Variants in KLKB1 observed in about 807,000 individuals in gnomAD.
KLKB1 encodes the protein plasma kallikrein.
A neutral mutation model predicts 73.6 loss-of-function variants in KLKB1; 58 were observed. The observed-to-expected ratio is 0.79, with a 90% CI of 0.64 to 0.98. The LOEUF is 0.98. Ranked by LOEUF, KLKB1 falls within the 50% of genes least tolerant of loss-of-function variation. The pLI, the probability that KLKB1 is intolerant of heterozygous loss-of-function variation, is 0.00. For missense variants in KLKB1, 737 were observed against 763.8 expected, an observed-to-expected ratio of 0.96 and a Z score of 0.41; for synonymous variants, 280 against 258.1, an observed-to-expected ratio of 1.08 and a Z score of -0.81.
chr4:186,250,884 G>A (rs1738632324), intron 7 of KLKB1: 16 of 366,558 alleles, frequency 4.4e-5, no homozygotes, highest in South Asian at 4.0e-4. Context: ...TAAGAGAAGG[G>A]TGTCTAGTTA....
intron 6 of KLKB1, among the ~76,000 whole-genome samples, chr4:186,243,176 A>G (rs899460600): frequency 1.3e-5 from 2 of 149,906 alleles, no homozygotes; most frequent in African/African-American, 4.9e-5. Context: ...GGCCTGAGCA[A>G]TCCCTGAGGA....
intron 6 of KLKB1, among the ~76,000 whole-genome samples, chr4:186,246,252 G>T (rs1272292506): frequency 6.6e-6 from 1 of 151,906 alleles, no homozygotes; most frequent in Non-Finnish European, 1.5e-5. Context: ...AGGTCAGATG[G>T]GTCCATAGAA....
rs199794258 is a variant in KLKB1 at position 186,238,314 on chromosome 4, A to G, written c.547A>G (p.Ser183Gly). 8 of 1,614,030 alleles carry G rather than the reference A, an allele frequency of 5.0e-6. No homozygotes were observed. The East Asian group carries it at 1.6e-4, about 31-fold the overall frequency. ...AACACCTACCGCTATAAAGGTGCTG[A>G]GTAACGTGGAATCTGGATTCTCACT... ...GGTPTAIKVL[S>G]NVESGFSLKP... The change falls in exon 6 of 15, where the codon AGT becomes GGT. Residue 183 changes from serine to glycine, a missense_variant. By Grantham distance (56) the Ser-to-Gly change is moderately conservative. Transcript: ENST00000264690.
intron 2 of KLKB1, among the ~76,000 whole-genome samples, chr4:186,228,676 A>G (rs1223186380): frequency 6.6e-6 from 1 of 152,252 alleles, no homozygotes; most frequent in Non-Finnish European, 1.5e-5. Flanking sequence ...AACACCATAC[A>G]TAGTTTTACT....
intron 2 of KLKB1, among the ~76,000 whole-genome samples, chr4:186,217,280 C>T (rs1470721525): frequency 6.6e-6 from 1 of 150,502 alleles, no homozygotes; most frequent in Non-Finnish European, 1.5e-5. Context: ...TGCTTTTGTC[C>T]CAGTTGTTTT....
intron 2 of KLKB1, among the ~76,000 whole-genome samples, chr4:186,215,769 G>T (rs1316048417): frequency 6.6e-6 from 1 of 152,050 alleles, no homozygotes; most frequent in Non-Finnish European, 1.5e-5. Context: ...TACAGTTGGG[G>T]TTTGGCCATG....
intron 4 of KLKB1, among the ~76,000 whole-genome samples, chr4:186,235,974 C>A (rs896920385): frequency 2.0e-5 from 3 of 151,118 alleles, no homozygotes; most frequent in Non-Finnish European, 1.5e-5. Context: ...ATTAGCCGGG[C>A]GTGGTGGCGC....
intron 6 of KLKB1, among the ~76,000 whole-genome samples, chr4:186,243,569 A>G (rs4253365): frequency 0.028 from 4,256 of 152,262 alleles, 193 homozygotes; most frequent in African/African-American, 0.097. Context: ...CTTGCAGTGA[A>G]TGGCTTCAGC....
In KLKB1 at chr4:186,255,990, A is replaced by G; in HGVS notation, c.1490-2A>G. The G allele has an allele frequency of 6.3e-7, 1 of 1,589,910 alleles. No homozygotes were observed. Among genetic ancestry groups the G allele is most frequent in the South Asian group, 1.1e-5 (1 of 90,528 alleles). ...AACTCTAATTTAAAAATTATGTTTC[A>G]GAATTCCAAAAACCAATATGCCTAC... is the stretch of plus-strand genomic sequence containing the variant. On this transcript the variant is annotated splice_acceptor_variant, in intron 12 of 14. Transcript: ENST00000264690. LOFTEE classifies it high-confidence loss of function.
upstream of KLKB1, among the ~76,000 whole-genome samples, chr4:186,224,269 A>G (rs4862670): frequency 6.6e-6 from 1 of 152,152 alleles, no homozygotes; most frequent in Non-Finnish European, 1.5e-5. Context: ...ACACACAGAG[A>G]CCCCACTGGA....
At position 186,227,759 on chromosome 4, in the gene KLKB1, G is replaced by A. The variant is rs188125449; in HGVS notation, c.-2+172G>A. Among the ~76,000 whole-genome samples, 434 of 152,262 alleles carry A rather than the reference G, an allele frequency of 2.9e-3. 2 individuals are homozygous for A. The highest frequency in any genetic ancestry group is 4.0e-3 in the Non-Finnish European group (275 of 68,020). On this transcript the variant is annotated intron_variant, in intron 1 of 14. Transcript: ENST00000264690. ...TTAAATGTAAGATGATTTTAAATCA[G>A]AAAGAATATTTGATTGATTTAAAAT...
chr4:186,252,927 C>A (rs1738789946), intron 11 of KLKB1, among the ~76,000 whole-genome samples: 2 of 152,166 alleles, frequency 1.3e-5, no homozygotes, highest in Admixed American at 1.3e-4. Flanking sequence ...ATTTATTGGT[C>A]AAATAGTAGA....
intron 7 of KLKB1, among the ~76,000 whole-genome samples, chr4:186,250,617 C>T (rs1738618998): frequency 6.6e-6 from 1 of 152,162 alleles, no homozygotes; most frequent in African/African-American, 2.4e-5. Flanking sequence ...TACTTTAAAA[C>T]AAATGTTACC....
In KLKB1 at chr4:186,249,580, A is replaced by C. The variant is rs562990530; in HGVS notation, c.599-663A>C. On this transcript the variant is annotated intron_variant, in intron 6 of 14. Transcript: ENST00000264690. ...TTTTATTTTGTCCTTTTTCAAGATTAATTTGGTTATTCCGGATCTTTTGCA... is the reference window on the plus strand; with the variant it reads ...TTTTATTTTGTCCTTTTTCAAGATTCATTTGGTTATTCCGGATCTTTTGCA... Among the ~76,000 whole-genome samples the C allele has an allele frequency of 4.6e-5, 7 of 152,248 alleles. No individual in the cohort carries two copies. The East Asian group carries it at 1.3e-3, about 29-fold the overall frequency.
At chr4:186,234,164 A>G in intron 4 of KLKB1, 106 bp downstream of exon 4, 1 of 825,904 alleles carries the variant, frequency 1.2e-6, no homozygotes, top group Non-Finnish European at 2.1e-6. Flanking sequence ...GGCATCACTC[A>G]TAAAGATAGG....
In KLKB1 at chr4:186,257,218, A is replaced by G; in HGVS notation, c.1586-8A>G. The G allele has an allele frequency of 6.5e-7, 1 of 1,531,452 alleles. No individual in the cohort carries two copies. Among genetic ancestry groups the G allele is most frequent in the South Asian group, 1.2e-5 (1 of 84,630 alleles). The allele number at this position is 1,531,452 out of a possible 1,614,324, so 94.9% of individuals were successfully genotyped here. ...TTCCCTCTGAGGTTATATATTGGTT[A>G]CTCACAGGTGAAATCCAAAATATTC... On this transcript the variant is annotated splice_polypyrimidine_tract_variant and splice_region_variant and intron_variant, in intron 13 of 14. Coordinates refer to ENST00000264690, the MANE Select transcript of KLKB1 (RefSeq NM_000892.5).
At chr4:186,230,062 G>A (rs1737322128) in intron 2 of KLKB1, among the ~76,000 whole-genome samples, 1 of 152,128 alleles carries the variant, frequency 6.6e-6, no homozygotes, top group Non-Finnish European at 1.5e-5. Flanking sequence ...CAAGTGGAAG[G>A]AGACATATTG....
intron 6 of KLKB1, among the ~76,000 whole-genome samples, chr4:186,248,981 A>G (rs1561462320): frequency 6.6e-6 from 1 of 152,062 alleles, no homozygotes; most frequent in East Asian, 1.9e-4. Flanking sequence ...CTTTGGGAAA[A>G]TCTCTGTTTA....
rs1444212894 is a variant in KLKB1, at chr4:186,238,248, C to G, written c.489-8C>G. ...GAAAGCAAAGTAACCTCTTTTCTTC[C>G]CATTCAGGAACAATTGCCTATTAAA... On this transcript the variant is annotated splice_region_variant and splice_polypyrimidine_tract_variant and intron_variant, in intron 5 of 14. Coordinates refer to ENST00000264690, the MANE Select transcript of KLKB1 (RefSeq NM_000892.5). 1.3e-6 allele frequency: 2 copies of G among 1,584,896 alleles called. No individual in the cohort carries two copies. The highest frequency in any genetic ancestry group is 2.2e-5 in the South Asian group (2 of 90,530).
Sources: gnomAD v4.1 joint callset for allele counts (sites outside exome capture counted in the v4.1 genomes callset) on GRCh38, gnomAD v4.1.1 for gene constraint, MANE v1.5 for transcripts, NCBI Gene and HGNC (gene_info 2026-07-23, HGNC 2026-07-21) for gene names.